ARHGAP32: variants seen among roughly 807,000 people sequenced by gnomAD.
ARHGAP32 encodes rho GTPase-activating protein 32.
A neutral mutation model predicts 186.5 loss-of-function variants in ARHGAP32; 51 were observed. The ratio of observed to expected loss-of-function variants is 0.27; its 90% CI spans 0.22 to 0.35. The LOEUF (loss-of-function observed/expected upper bound fraction) is 0.35. Ranked by LOEUF, ARHGAP32 falls within the 10% of genes least tolerant of loss-of-function variation. ARHGAP32 has a pLI of 1.00. For synonymous variants in ARHGAP32, 950 were observed against 964.3 expected, an observed-to-expected ratio of 0.99 and a Z score of 0.27; for missense variants, 2,186 against 2,623.5, an observed-to-expected ratio of 0.83 and a Z score of 3.64.
chr11:129,173,716 T>C (rs1463196859), intron 1 of ARHGAP32, among the ~76,000 whole-genome samples: 1 of 152,150 alleles, frequency 6.6e-6, no homozygotes, highest in Non-Finnish European at 1.5e-5. Context: ...ATAGGTGAAA[T>C]TTAATACCTA....
chr11:129,190,870 T>G (rs1475039156), intron 1 of ARHGAP32, among the ~76,000 whole-genome samples: 1 of 152,126 alleles, frequency 6.6e-6, no homozygotes, highest in African/African-American at 2.4e-5. Context: ...TTACTCAAAT[T>G]TGAAAGGCTA....
chr11:129,219,644 T>A (rs1462326630), intron 1 of ARHGAP32, among the ~76,000 whole-genome samples: 1 of 151,972 alleles, frequency 6.6e-6, no homozygotes, highest in Non-Finnish European at 1.5e-5. Flanking sequence ...ATTTCTACAG[T>A]AATTTTTCAA....
chr11:129,072,337 G>A (rs1042182607), intron 6 of ARHGAP32, among the ~76,000 whole-genome samples: 2 of 152,090 alleles, frequency 1.3e-5, no homozygotes, highest in East Asian at 3.9e-4. Flanking sequence ...GGAAATGACA[G>A]GCCATACAAA....
chr11:129,271,350 T>C (rs539631899), intron 1 of ARHGAP32, among the ~76,000 whole-genome samples: 2 of 151,768 alleles, frequency 1.3e-5, no homozygotes, highest in Admixed American at 1.3e-4. Context: ...AGACTTAACA[T>C]GAGATGAGGA....
intron 2 of ARHGAP32, among the ~76,000 whole-genome samples, chr11:129,137,203 A>AAT (rs1342659624): frequency 2.0e-5 from 3 of 151,774 alleles, no homozygotes; most frequent in African/African-American, 4.8e-5. Flanking sequence ...TAAATATAAA[A>AAT]ATATATATAT....
At chr11:129,025,379 T>TA (rs913064207) in intron 11 of ARHGAP32, among the ~76,000 whole-genome samples, 1 of 152,132 alleles carries the variant, frequency 6.6e-6, no homozygotes, top group Admixed American at 6.6e-5. Context: ...TAGTCCACAA[T>TA]AAAAAACAAT....
intron 17 of ARHGAP32, 68 bp from the exon 18 acceptor site, chr11:128,980,816 A>G (rs1302990048): frequency 1.0e-5 from 12 of 1,170,146 alleles, no homozygotes; most frequent in Non-Finnish European, 1.5e-5. Context: ...GTTAGTATCT[A>G]TCTCTCCATC....
intron 5 of ARHGAP32, among the ~76,000 whole-genome samples, chr11:129,102,428 C>T (rs952877184): frequency 3.9e-5 from 6 of 152,134 alleles, no homozygotes; most frequent in Admixed American, 2.6e-4. Context: ...AGAACCAAGA[C>T]CCATTGGTAT....
At chr11:129,220,220 G>T (rs936278099) in intron 1 of ARHGAP32, among the ~76,000 whole-genome samples, 1 of 152,098 alleles carries the variant, frequency 6.6e-6, no homozygotes, top group East Asian at 1.9e-4. Context: ...CCTTCAGTAT[G>T]TTTATTCACC....
At position 129,123,371 on chromosome 11, in the gene ARHGAP32, T is replaced by C. The variant is rs1942580204; in HGVS notation, c.444+75A>G. ...CAAAGTGTCATCTATTAGATACAGA[T>C]ATATAGATAAGCATCTAGATATAAA... On this transcript the variant is annotated intron_variant, in intron 5 of 22. Transcript: ENST00000682385. The surrounding 1 kb of genome is among the most constrained non-coding windows in gnomAD (Gnocchi z 4.6). 3.2e-6 allele frequency: 4 copies of C among 1,245,120 alleles called. No individual in the cohort carries two copies. The African/African-American group carries it at 4.5e-5, about 14-fold the overall frequency. The allele number at this position is 1,245,120 out of a possible 1,614,324, so 77.1% of individuals were successfully genotyped here.
intron 1 of ARHGAP32, among the ~76,000 whole-genome samples, chr11:129,266,671 T>C (rs1397096222): frequency 2.0e-5 from 3 of 152,212 alleles, no homozygotes; most frequent in African/African-American, 4.8e-5. Context: ...AGAGTTTTAC[T>C]TGCATAGAAC....
intron 6 of ARHGAP32, among the ~76,000 whole-genome samples, chr11:129,069,563 A>G (rs1010211135): frequency 6.6e-6 from 1 of 152,080 alleles, no homozygotes; most frequent in Non-Finnish European, 1.5e-5. Flanking sequence ...AGTCAGCTAA[A>G]AGTTAATATA....
intron 1 of ARHGAP32, among the ~76,000 whole-genome samples, chr11:129,215,580 G>T (rs1371070772): frequency 1.3e-5 from 2 of 151,998 alleles, no homozygotes; most frequent in African/African-American, 2.4e-5. Context: ...GTTTCTAAAG[G>T]CCATTTACAT....
rs746673906 is a variant in ARHGAP32, at chr11:129,035,878, C to T, written c.1045+5050G>A. Among the ~76,000 whole-genome samples, 9 of 152,140 alleles carry T rather than the reference C, an allele frequency of 5.9e-5. No homozygotes were observed. The East Asian group carries it at 7.8e-4, about 13-fold the overall frequency. ...AAAAAAGCACATTTCCTTATGCCAA[C>T]TCTGCAATGCTGCTCACAGAAGACA... is the stretch of plus-strand genomic sequence containing the variant. On this transcript the variant is annotated intron_variant, in intron 11 of 22. Transcript: ENST00000682385.
In ARHGAP32 at chr11:128,974,911, A is replaced by C; in HGVS notation, c.2286T>G (p.Cys762Trp). The change falls in exon 21 of 23, where the codon TGT becomes TGG. Residue 762 changes from cysteine to tryptophan, a missense_variant. Cys to Trp is a radical substitution (Grantham distance 215, BLOSUM62 -2). Around this residue, in one of 5 missense-constraint regions of ARHGAP32, gnomAD observed 263 missense variants for 323.5 expected, o/e 0.81. Coordinates refer to ENST00000682385, the MANE Select transcript of ARHGAP32 (RefSeq NM_001378024.1). ...CATGAGGCAGATTATCATAGGAGTT[A>C]CAGCGGTTCCCCAGCATTTCTCCAT... The part of the protein sequence containing the change: ...SFNGEMLGNR[C>W]NSYDNLPHDN... The C allele has an allele frequency of 6.2e-7, 1 of 1,614,190 alleles. No homozygotes were observed. The highest frequency in any genetic ancestry group is 8.5e-7 in the Non-Finnish European group (1 of 1,180,030).
rs866596340 is a variant in ARHGAP32, at chr11:129,164,381, C to A, written c.163G>T (p.Glu55Ter). 6.3e-7 allele frequency: 1 copy of A among 1,581,354 alleles called. No homozygotes were observed. Among genetic ancestry groups the A allele is most frequent in the East Asian group, 2.3e-5 (1 of 43,670 alleles). ...CGAGGGTGTACATTTCTATGTAGCT[C>A]TGGAACAAAATCATCTTCTTCAGAA... ...VHSEEDDFVP[E>*]LHRNVHPRER... The change falls in exon 2 of 23, where the codon GAG becomes TAG. Residue 55 changes from glutamate to a stop codon, truncating the protein, a stop_gained. Coordinates refer to ENST00000682385, the MANE Select transcript of ARHGAP32 (RefSeq NM_001378024.1). LOFTEE classifies it high-confidence loss of function.
chr11:129,226,785 A>G (rs1465391307), intron 1 of ARHGAP32, among the ~76,000 whole-genome samples: 1 of 152,124 alleles, frequency 6.6e-6, no homozygotes, highest in Non-Finnish European at 1.5e-5. Context: ...TATCCACCAA[A>G]TATGATGAAA....
At chr11:128,989,982 T>A (rs1946000504) in intron 12 of ARHGAP32, among the ~76,000 whole-genome samples, 1 of 152,186 alleles carries the variant, frequency 6.6e-6, no homozygotes, top group Admixed American at 6.6e-5. Context: ...ACTACTGCAA[T>A]ATACTGCCTG....
chr11:129,174,317 A>T (rs1943850759), intron 1 of ARHGAP32, among the ~76,000 whole-genome samples: 1 of 152,160 alleles, frequency 6.6e-6, no homozygotes, highest in African/African-American at 2.4e-5. Context: ...GCTGATTGCT[A>T]GCACAGCAGT....
Sources: gnomAD v4.1 joint callset for allele counts (sites outside exome capture counted in the v4.1 genomes callset) on GRCh38, gnomAD v4.1.1 for gene constraint, gnomAD v4.1.1 regional missense constraint, Gnocchi (gnomAD v3.1) non-coding constraint, MANE v1.5 for transcripts, NCBI Gene and HGNC (gene_info 2026-07-23, HGNC 2026-07-21) for gene names.